PNO1: variants seen among roughly 807,000 people sequenced by gnomAD.
PNO1 encodes the protein partner of NOB1 homolog, also known as RNA-binding protein PNO1.
A neutral mutation model predicts 28.4 loss-of-function variants in PNO1; 16 were observed. That is an observed-to-expected ratio of 0.56 (90% CI 0.38 to 0.85). PNO1 has a LOEUF of 0.85. Ranked by LOEUF, PNO1 falls within the 40% of genes least tolerant of loss-of-function variation. The pLI is 0.00. For synonymous variants in PNO1, 115 were observed against 110.8 expected (o/e 1.04, Z -0.24); for missense variants, 304 against 312.2 (o/e 0.97, Z 0.20).
At position 68,159,481 on chromosome 2, in the gene PNO1, C is replaced by T. The variant is rs533145131; in HGVS notation, c.357+952C>T. On this transcript the variant is annotated intron_variant, in intron 2 of 6. Transcript: ENST00000263657. ...TCGGCCTCCCAAAGTGCTGGGATTA[C>T]AGGCGTGAGCTGCCCCACCGAGCCT... Among the ~76,000 whole-genome samples, 145 of 151,928 alleles carry T rather than the reference C, an allele frequency of 9.5e-4. 1 individual carries two copies. Among genetic ancestry groups the T allele is most frequent in the African/African-American group, 3.3e-3 (136 of 41,368 alleles).
At chr2:68,168,295 T>C (rs944106794) in intron 5 of PNO1, among the ~76,000 whole-genome samples, 1 of 152,186 alleles carries the variant, frequency 6.6e-6, no homozygotes, top group African/African-American at 2.4e-5. Flanking sequence ...GACAATTAGA[T>C]CCTGTATGTT....
At chr2:68,158,607 CTT>C in intron 2 of PNO1, 78 bp downstream of exon 2, 1 of 1,240,380 alleles carries the variant, frequency 8.1e-7, no homozygotes, top group Non-Finnish European at 1.1e-6. Flanking sequence ...ATAGGCTTTA[CTT>C]AATGGGACTT....
In PNO1 at chr2:68,162,823, T is replaced by A. The variant is rs917382470; in HGVS notation, c.620+160T>A. Among the ~76,000 whole-genome samples, 4 of 152,218 alleles carry A rather than the reference T, an allele frequency of 2.6e-5. No homozygotes were observed. In the South Asian group the frequency reaches 8.3e-4, roughly 31 times the overall value. On this transcript the variant is annotated intron_variant, in intron 5 of 6. Transcript: ENST00000263657. The stretch of plus-strand genomic sequence containing the variant: ...CATCATAAATTGAAAATATCATAAG[T>A]CTAAAATGCATTTAATATGCCTGAC...
At chr2:68,158,179 G>A (rs764643473) in intron 1 of PNO1, 38 bp downstream of exon 1, 15 of 1,533,780 alleles carry the variant, frequency 9.8e-6, no homozygotes, top group South Asian at 1.2e-5. Context: ...ACGAGGCAAG[G>A]GCCAGACGCG....
At chr2:68,169,979 G>T (rs1674085259) in intron 5 of PNO1, among the ~76,000 whole-genome samples, 1 of 152,134 alleles carries the variant, frequency 6.6e-6, no homozygotes, top group African/African-American at 2.4e-5. Context: ...TTGTGGCTAT[G>T]AGAATAATGT....
At chr2:68,159,857 G>A (rs539982967) in intron 2 of PNO1, among the ~76,000 whole-genome samples, 42 of 150,962 alleles carry the variant, frequency 2.8e-4, no homozygotes, top group African/African-American at 1.0e-3. Context: ...TTGCTTCATT[G>A]TTTGACGTCT....
At chr2:68,162,366 G>C in intron 4 of PNO1, 41 bp downstream of exon 4, 1 of 1,462,848 alleles carries the variant, frequency 6.8e-7, no homozygotes, top group Non-Finnish European at 9.5e-7. Flanking sequence ...CGCTGACTTT[G>C]TATTGTGATG....
At chr2:68,161,584 A>C in intron 2 of PNO1, 99 bp from the exon 3 acceptor site, 1 of 770,438 alleles carries the variant, frequency 1.3e-6, no homozygotes, top group Non-Finnish European at 2.3e-6. Flanking sequence ...TGGTGAAGGA[A>C]ATTCTCCAAT....
chr2:68,165,017 G>A (rs1673937462), intron 5 of PNO1, among the ~76,000 whole-genome samples: 1 of 130,928 alleles, frequency 7.6e-6, no homozygotes, highest in African/African-American at 3.6e-5. Flanking sequence ...AAAAATCTTC[G>A]GTTAAATCAT....
At position 68,174,293 on chromosome 2, in the gene PNO1, T is replaced by C. The variant is rs1048241775; in HGVS notation, c.692-442T>C. ...TGGGTATTATTTCTGTTAAGGTTTT[T>C]TTTTTTTTTTTTTTTTTGTAATTTC... On this transcript the variant is annotated intron_variant, in intron 6 of 6. Transcript: ENST00000263657. Among the ~76,000 whole-genome samples the C allele has an allele frequency of 9.7e-5, 3 of 31,046 alleles. No individual in the cohort carries two copies. In the South Asian group the frequency reaches 5.3e-3, roughly 55 times the overall value. 20.4% of individuals were successfully genotyped at this position (31,046 alleles called of 152,430 possible).
At position 68,173,426 on chromosome 2, in the gene PNO1, A is replaced by G. The variant is rs778315478; in HGVS notation, c.691+9A>G. The G allele has an allele frequency of 1.1e-5, 17 of 1,552,388 alleles. No individual in the cohort carries two copies. The highest frequency in any genetic ancestry group is 5.0e-5 in the Admixed American group (3 of 59,868). Reference sequence around the variant, plus strand: ...TTGCAACCTAATCTTGGGTAATAGCAGTTTCTTTCTTTGGTGTTTTCTCTG... The same window carrying G: ...TTGCAACCTAATCTTGGGTAATAGCGGTTTCTTTCTTTGGTGTTTTCTCTG... On this transcript the variant is annotated intron_variant, in intron 6 of 6. Transcript: ENST00000263657.
intron 5 of PNO1, among the ~76,000 whole-genome samples, chr2:68,167,216 G>C (rs758889500): frequency 1.2e-3 from 180 of 152,238 alleles, no homozygotes; most frequent in Non-Finnish European, 2.0e-3. Context: ...AGGTCTTTAT[G>C]ACTACCTGTT....
rs751923744 is a variant in PNO1 at position 68,158,418 on chromosome 2, T to C, written c.246T>C (p.Ala82=). ...KEETRKIPVP[A]NRYTPLKENW... ...AAACAAGGAAAATTCCAGTCCCAGC[T>C]AACAGATACACACCATTGAAAGAAA... The change falls in exon 2 of 7, where the codon GCT becomes GCC. Residue 82 remains alanine (A), a synonymous_variant. Coordinates refer to ENST00000263657, the MANE Select transcript of PNO1 (RefSeq NM_020143.4). The C allele has an allele frequency of 6.2e-7, 1 of 1,612,866 alleles. No homozygotes were observed. Among genetic ancestry groups the C allele is most frequent in the Non-Finnish European group, 8.5e-7 (1 of 1,179,528 alleles).
chr2:68,171,605 G>C (rs1356459652), intron 5 of PNO1, among the ~76,000 whole-genome samples: 11 of 152,210 alleles, frequency 7.2e-5, no homozygotes, highest in Non-Finnish European at 1.5e-4. Context: ...TTCATCTGCA[G>C]GTGTCTGGAG....
chr2:68,158,379 G>A lies in PNO1; in HGVS notation c.208-1G>A, dbSNP rs1440770106. The A allele has an allele frequency of 6.2e-7, 1 of 1,608,424 alleles. No homozygotes were observed. Among genetic ancestry groups the A allele is most frequent in the East Asian group, 2.2e-5 (1 of 44,862 alleles). ...TGAGTTGTGTGTTCTTTTATTTACA[G>A]AGTGGGAAAGAAGAAACAAGGAAAA... On this transcript the variant is annotated splice_acceptor_variant, in intron 1 of 6. Coordinates refer to ENST00000263657, the MANE Select transcript of PNO1 (RefSeq NM_020143.4). LOFTEE classifies it high-confidence loss of function.
At chr2:68,169,521 G>T (rs1420129029) in intron 5 of PNO1, among the ~76,000 whole-genome samples, 1 of 152,174 alleles carries the variant, frequency 6.6e-6, no homozygotes, top group Non-Finnish European at 1.5e-5. Context: ...CACCACAAGA[G>T]CAATAGGTGG....
chr2:68,174,271 GTAT>G (rs1674210639), intron 6 of PNO1, among the ~76,000 whole-genome samples: 1 of 137,748 alleles, frequency 7.3e-6, no homozygotes, highest in African/African-American at 2.7e-5. Context: ...GAATATTTGG[GTAT>G]TATTTCTGTT....
At chr2:68,174,493 C>T (rs1674220604) in intron 6 of PNO1, among the ~76,000 whole-genome samples, 3 of 151,970 alleles carry the variant, frequency 2.0e-5, no homozygotes, top group East Asian at 3.9e-4. Context: ...AAACACAATA[C>T]AGTACTATTT....
At chr2:68,164,158 A>G (rs1673914190) in intron 5 of PNO1, among the ~76,000 whole-genome samples, 1 of 152,160 alleles carries the variant, frequency 6.6e-6, no homozygotes, top group Non-Finnish European at 1.5e-5. Context: ...GCCTTGGGAG[A>G]AGCTATTTTG....
Sources: allele counts gnomAD v4.1 joint callset (sites outside exome capture counted in the v4.1 genomes callset), GRCh38; gene constraint gnomAD v4.1.1; transcripts MANE v1.5; gene names NCBI Gene and HGNC (gene_info 2026-07-23, HGNC 2026-07-21).